Variants in EYA1 observed in about 807,000 individuals in gnomAD.
EYA1 encodes the protein EYA transcriptional coactivator and phosphatase 1, also known as protein phosphatase EYA1.
EYA1 carries 16 observed loss-of-function variants against 82.0 expected under a neutral mutation model. The ratio of observed to expected loss-of-function variants is 0.20; its 90% CI spans 0.13 to 0.30. EYA1 has a LOEUF of 0.30. Ranked by LOEUF, EYA1 falls within the 10% of genes least tolerant of loss-of-function variation. The probability of loss-of-function intolerance (pLI) is 1.00; values close to 1 mark genes in which losing one functional copy is unlikely to be tolerated. For missense variants in EYA1, 633 were observed against 730.7 expected, an observed-to-expected ratio of 0.87 and a Z score of 1.54; for synonymous variants, 261 against 264.4, an observed-to-expected ratio of 0.99 and a Z score of 0.12.
At chr8:71,457,461 C>T (rs910821075) in intron 2 of EYA1, among the ~76,000 whole-genome samples, 26 of 152,066 alleles carry the variant, frequency 1.7e-4, no homozygotes, top group African/African-American at 5.8e-4. Flanking sequence ...CACGTGCGCA[C>T]GTATGTTTAT....
intron 7 of EYA1, among the ~76,000 whole-genome samples, chr8:71,305,790 T>G (rs569621307): frequency 3.3e-5 from 5 of 152,330 alleles, no homozygotes; most frequent in African/African-American, 1.2e-4. Context: ...TCTCTTAAGA[T>G]ACAGCATTAT....
chr8:71,488,254 A>G (rs1008228740), intron 2 of EYA1, among the ~76,000 whole-genome samples: 1 of 152,046 alleles, frequency 6.6e-6, no homozygotes, highest in African/African-American at 2.4e-5. Context: ...TGATATAAAT[A>G]TATGATATAA....
At chr8:71,423,146 ATTG>A (rs1376390920) in intron 2 of EYA1, among the ~76,000 whole-genome samples, 1 of 152,264 alleles carries the variant, frequency 6.6e-6, no homozygotes, top group African/African-American at 2.4e-5. Context: ...ATGTTTTCAA[ATTG>A]TTGTTATTGG....
chr8:71,508,683 AAAT>A (rs1812377784), intron 2 of EYA1, among the ~76,000 whole-genome samples: 2 of 152,230 alleles, frequency 1.3e-5, no homozygotes, highest in Middle Eastern at 3.4e-3. Context: ...TCCATGAACA[AAAT>A]AATGAGTTCT....
At chr8:71,341,841 A>G (rs2129053940) in intron 3 of EYA1, among the ~76,000 whole-genome samples, 1 of 152,344 alleles carries the variant, frequency 6.6e-6, no homozygotes, top group African/African-American at 2.4e-5. Context: ...AAGAGTATAC[A>G]TGGCCAAAAA....
chr8:71,334,517 G>GA (rs1397381714), intron 3 of EYA1, among the ~76,000 whole-genome samples: 1 of 152,056 alleles, frequency 6.6e-6, no homozygotes, highest in African/African-American at 2.4e-5. Flanking sequence ...TGGGGTTGTG[G>GA]AAAAAATCTG....
intron 16 of EYA1, among the ~76,000 whole-genome samples, chr8:71,212,166 G>A (rs1321434023): frequency 1.3e-5 from 2 of 152,184 alleles, no homozygotes; most frequent in Non-Finnish European, 2.9e-5. Flanking sequence ...ATGGCTGAGC[G>A]AAGCCTGCAC....
intron 12 of EYA1, among the ~76,000 whole-genome samples, chr8:71,220,200 G>A (rs1347859555): frequency 6.6e-6 from 1 of 152,124 alleles, no homozygotes; most frequent in Non-Finnish European, 1.5e-5. Context: ...ATAATTCTAT[G>A]GGAAAATAAG....
chr8:71,461,577 C>G (rs1455373286), intron 2 of EYA1, among the ~76,000 whole-genome samples: 1 of 152,200 alleles, frequency 6.6e-6, no homozygotes, highest in Non-Finnish European at 1.5e-5. Context: ...CAGCTCTTCT[C>G]TCCTTCTCTT....
intron 11 of EYA1, among the ~76,000 whole-genome samples, chr8:71,262,275 A>G (rs893482733): frequency 6.6e-6 from 1 of 152,178 alleles, no homozygotes; most frequent in African/African-American, 2.4e-5. Context: ...TTCTGCTACT[A>G]TTCTTCTTCA....
At chr8:71,407,130 G>GCC (rs1586653748) in intron 2 of EYA1, among the ~76,000 whole-genome samples, 1 of 128,688 alleles carries the variant, frequency 7.8e-6, no homozygotes, top group Non-Finnish European at 1.7e-5. Flanking sequence ...ACCTCACACG[G>GCC]CAGGGTATTC....
intron 11 of EYA1, among the ~76,000 whole-genome samples, chr8:71,258,307 G>A (rs945524271): frequency 6.6e-6 from 1 of 152,220 alleles, no homozygotes; most frequent in Non-Finnish European, 1.5e-5. Flanking sequence ...TCAGGCAGGA[G>A]AGAGGTGTGC....
chr8:71,451,810 G>A (rs1448004286), intron 2 of EYA1, among the ~76,000 whole-genome samples: 1 of 152,190 alleles, frequency 6.6e-6, no homozygotes, highest in African/African-American at 2.4e-5. Flanking sequence ...TGGCCAACTA[G>A]GAACAGCTCC....
chr8:71,413,881 T>C (rs1281640281), intron 2 of EYA1, among the ~76,000 whole-genome samples: 1 of 152,256 alleles, frequency 6.6e-6, no homozygotes, highest in Non-Finnish European at 1.5e-5. Context: ...TTTTGCTTTG[T>C]TCTCTCTGTT....
At chr8:71,429,463 A>G (rs1482171685) in intron 2 of EYA1, among the ~76,000 whole-genome samples, 1 of 152,202 alleles carries the variant, frequency 6.6e-6, no homozygotes, top group Non-Finnish European at 1.5e-5. Context: ...ATAATATACT[A>G]CATTGGTAGG....
chr8:71,246,516 G>C lies in EYA1; in HGVS notation c.1051-1824C>G, dbSNP rs576193811. 9.9e-5 allele frequency among the ~76,000 whole-genome samples: 15 copies of C among 152,256 alleles called. No homozygotes were observed. In the South Asian group the frequency reaches 2.9e-3, roughly 29 times the overall value. ...TTATCTCCAATATCTAGACATGCCC[G>C]TGTGTTACCCCTACTCTTTAACATC... On this transcript the variant is annotated intron_variant, in intron 11 of 17. Coordinates refer to ENST00000340726, the MANE Select transcript of EYA1 (RefSeq NM_000503.6).
At position 71,199,331 on chromosome 8, in the gene EYA1, C is replaced by T. The variant is rs370353759; in HGVS notation, c.*9G>A. 449 of 1,598,846 alleles carry T rather than the reference C, an allele frequency of 2.8e-4. No individual in the cohort carries two copies. Among genetic ancestry groups the T allele is most frequent in the Non-Finnish European group, 3.6e-4 (419 of 1,168,656 alleles). On this transcript the variant is annotated 3_prime_UTR_variant, in exon 18 of 18. Transcript: ENST00000340726. The stretch of plus-strand genomic sequence containing the variant: ...GAGCAGCTGTGCGCTGTCAAAGTGC[C>T]GAGCGCTGTTACAGGTACTCCAGTT...
intron 11 of EYA1, among the ~76,000 whole-genome samples, chr8:71,263,163 G>GC (rs1815345638): frequency 6.6e-6 from 1 of 151,918 alleles, no homozygotes; most frequent in Admixed American, 6.5e-5. Context: ...TTCTTCCTGG[G>GC]CACACAGGAA....
At chr8:71,495,911 C>A (rs866293704) in intron 2 of EYA1, among the ~76,000 whole-genome samples, 1 of 152,168 alleles carries the variant, frequency 6.6e-6, no homozygotes, top group East Asian at 1.9e-4. Context: ...AACAACCCCA[C>A]GAGCAGTGTG....
Sources: allele counts gnomAD v4.1 joint callset (sites outside exome capture counted in the v4.1 genomes callset), GRCh38; gene constraint gnomAD v4.1.1; transcripts MANE v1.5; gene names NCBI Gene and HGNC (gene_info 2026-07-23, HGNC 2026-07-21).